Variants in PRRC2B observed in about 807,000 individuals in gnomAD.
PRRC2B encodes the protein proline rich coiled-coil 2B.
In PRRC2B, 68 loss-of-function variants were observed where a neutral mutation model predicts 242.3. The ratio of observed to expected loss-of-function variants is 0.28; its 90% CI spans 0.23 to 0.34. PRRC2B has a LOEUF of 0.34. Among genes scored for constraint, PRRC2B ranks in the 10% least tolerant of loss-of-function variants. PRRC2B has a pLI of 1.00. For synonymous variants in PRRC2B, 1,228 were observed against 1,173.6 expected, an observed-to-expected ratio of 1.05 and a Z score of -0.95; for missense variants, 2,835 against 2,954.8, an observed-to-expected ratio of 0.96 and a Z score of 0.94.
rs184020553 is a variant in PRRC2B at position 131,465,499 on chromosome 9, C to T, written c.1720+421C>T. On this transcript the variant is annotated intron_variant, in intron 12 of 31. Coordinates refer to ENST00000683519, the MANE Select transcript of PRRC2B (RefSeq NM_013318.4). ...GGATGAGTATGTACCTGCCAGCACGCGGAGGGGTGTACAGCACGCTCCAGT... is the reference window on the plus strand; with the variant it reads ...GGATGAGTATGTACCTGCCAGCACGTGGAGGGGTGTACAGCACGCTCCAGT... Among the ~76,000 whole-genome samples the T allele has an allele frequency of 4.8e-4, 73 of 152,282 alleles. 1 individual carries two copies. The East Asian group carries it at 0.011, about 23-fold the overall frequency.
chr9:131,489,618 T>G (rs892006103), intron 28 of PRRC2B, among the ~76,000 whole-genome samples: 2 of 152,100 alleles, frequency 1.3e-5, no homozygotes, highest in African/African-American at 2.4e-5. Context: ...TAGCAGCTTT[T>G]CAGACTTGCA....
chr9:131,492,965 A>G (rs987060172), intron 30 of PRRC2B, among the ~76,000 whole-genome samples: 6 of 152,204 alleles, frequency 3.9e-5, no homozygotes, highest in African/African-American at 1.4e-4. Context: ...CTCTGTGTTT[A>G]CAAATGAGTG....
At position 131,464,855 on chromosome 9, in the gene PRRC2B, G is replaced by A. The variant is rs1259745281; in HGVS notation, c.1497G>A (p.Met499Ile). The A allele has an allele frequency of 6.2e-7, 1 of 1,613,834 alleles. No homozygotes were observed. Residue 499 changes from methionine to isoleucine, a missense_variant, in exon 12 of 32, where the codon ATG becomes ATA. Physicochemically the swap from Met to Ile is conservative, Grantham distance 10. Coordinates refer to ENST00000683519, the MANE Select transcript of PRRC2B (RefSeq NM_013318.4). Reference protein sequence around the residue: ...PPRQKFIQSEMSEAVERARKR... With the variant: ...PPRQKFIQSEISEAVERARKR... ...GGCAGAAGTTCATTCAGTCAGAGAT[G>A]TCCGAGGCGGTGGAGCGAGCCCGAA...
At chr9:131,488,386 CCTG>C (rs1944087676) in intron 28 of PRRC2B, among the ~76,000 whole-genome samples, 1 of 152,012 alleles carries the variant, frequency 6.6e-6, no homozygotes, top group Non-Finnish European at 1.5e-5. Context: ...GCCTCAGCCT[CCTG>C]AGTAGCTGGG....
chr9:131,481,743 C>T lies in PRRC2B; in HGVS notation c.4918C>T (p.Pro1640Ser). 1 of 1,564,502 alleles carries T rather than the reference C, an allele frequency of 6.4e-7. No individual in the cohort carries two copies. Among genetic ancestry groups the T allele is most frequent in the Non-Finnish European group, 8.7e-7 (1 of 1,155,098 alleles). Residue 1640 changes from proline (P) to serine (S), a missense_variant, in exon 20 of 32, where the codon CCA becomes TCA. Physicochemically the swap from Pro to Ser is moderately conservative, Grantham distance 74. This residue lies in a region of PRRC2B where 1,536 missense variants were observed against 1,483.1 expected (regional missense o/e 1.04). Transcript: ENST00000683519. ...SSSQALPVQA[P>S]ANDSWRKAVT... ...CCTGGCAGCTCTCCCTGTGCAGGCC[C>T]CAGCCAACGACTCCTGGAGGAAAGC... is the stretch of plus-strand genomic sequence containing the variant.
intron 1 of PRRC2B, among the ~76,000 whole-genome samples, chr9:131,399,674 G>A (rs1837174925): frequency 1.3e-5 from 2 of 152,142 alleles, no homozygotes; most frequent in African/African-American, 4.8e-5. Flanking sequence ...TAAAGTTGCT[G>A]GTGTGTTTCT....
rs753291743 is a variant in PRRC2B at position 131,486,119 on chromosome 9, T to C, written c.5793T>C (p.His1931=). Residue 1931 remains histidine, a synonymous_variant, in exon 26 of 32, where the codon CAT becomes CAC. Coordinates refer to ENST00000683519, the MANE Select transcript of PRRC2B (RefSeq NM_013318.4). ...TCCCGCCCCTGTACCTGGATGGCCA[T>C]GTGTTTGCAAGTCAGCCCCGGCTGG... is the stretch of plus-strand genomic sequence containing the variant. The part of the protein sequence containing the change: ...SHLPPLYLDG[H]VFASQPRLVP... 8.1e-6 allele frequency: 13 copies of C among 1,613,142 alleles called. No individual in the cohort carries two copies. The highest frequency in any genetic ancestry group is 1.7e-5 in the Admixed American group (1 of 59,880).
intron 2 of PRRC2B, among the ~76,000 whole-genome samples, chr9:131,432,274 C>T (rs1468529354): frequency 1.3e-5 from 2 of 152,190 alleles, no homozygotes; most frequent in Non-Finnish European, 2.9e-5. Context: ...AGAGCTGTCT[C>T]AACTTGCAGA....
At position 131,487,398 on chromosome 9, in the gene PRRC2B, G is replaced by C; in HGVS notation, c.5984+104G>C. 2.9e-5 allele frequency: 22 copies of C among 763,260 alleles called. No individual in the cohort carries two copies. Among genetic ancestry groups the C allele is most frequent in the Non-Finnish European group, 3.6e-5 (18 of 504,390 alleles). The allele number at this position is 763,260 out of a possible 1,614,324, so 47.3% of individuals were successfully genotyped here. The stretch of plus-strand genomic sequence containing the variant: ...CTGTTTGGTGCTTGTCTGCTTTGGG[G>C]CCAGTGGGGCGGGGAGGGGTGGGAG... On this transcript the variant is annotated intron_variant, in intron 27 of 31. Transcript: ENST00000683519. The surrounding 1 kb of genome is among the most constrained non-coding windows in gnomAD (Gnocchi z 5.3).
Position 131,483,234 on chromosome 9 carries a change from C to T in PRRC2B, c.5374-125C>T, listed in dbSNP as rs1486410331. Reference sequence around the variant, plus strand: ...ATCTGGCCATCTCGCTCATATGTGGCTCCAGTGAATGCTGCTCAGTGGAGT... The same window carrying T: ...ATCTGGCCATCTCGCTCATATGTGGTTCCAGTGAATGCTGCTCAGTGGAGT... On this transcript the variant is annotated intron_variant, in intron 22 of 31. Transcript: ENST00000683519. 46 of 908,074 alleles carry T rather than the reference C, an allele frequency of 5.1e-5. No individual in the cohort carries two copies. The South Asian group carries it at 5.7e-4, about 11-fold the overall frequency. The allele number at this position is 908,074 out of a possible 1,614,324, so 56.3% of individuals were successfully genotyped here.
chr9:131,376,138 G>C (rs777231529), intron 1 of PRRC2B, among the ~76,000 whole-genome samples: 7 of 151,192 alleles, frequency 4.6e-5, no homozygotes, highest in African/African-American at 1.7e-4. Flanking sequence ...CATCACCTGA[G>C]GTCAGGCGTT....
At chr9:131,377,756 ATTTG>A (rs1315403115) in intron 1 of PRRC2B, among the ~76,000 whole-genome samples, 3 of 151,858 alleles carry the variant, frequency 2.0e-5, no homozygotes, top group African/African-American at 7.3e-5. Flanking sequence ...TGTTTTGTTT[ATTTG>A]TTTGTTTTGT....
rs765308022 is a variant in PRRC2B, at chr9:131,482,809, C to T, written c.5275C>T (p.Arg1759Trp). The part of the protein sequence containing the change: ...KNRKGSEGAE[R>W]LQGAVVPPVN... ...CAGAAAGGGCTCGGAGGGGGCCGAGCGGCTGCAAGGGGCTGTCGTCCCGCC... is the reference window on the plus strand; with the variant it reads ...CAGAAAGGGCTCGGAGGGGGCCGAGTGGCTGCAAGGGGCTGTCGTCCCGCC... The change falls in exon 22 of 32, where the codon CGG becomes TGG. Residue 1759 changes from arginine to tryptophan, a missense_variant. Physicochemically the swap from Arg to Trp is moderately radical, Grantham distance 101 (BLOSUM62 -3). Transcript: ENST00000683519. The surrounding 1 kb of genome is among the most constrained non-coding windows in gnomAD (Gnocchi z 5.2). The T allele has an allele frequency of 6.8e-6, 11 of 1,609,284 alleles. No individual in the cohort carries two copies. Among genetic ancestry groups the T allele is most frequent in the East Asian group, 2.2e-5 (1 of 44,690 alleles).
At chr9:131,480,899 G>A (rs1365831206) in intron 19 of PRRC2B, among the ~76,000 whole-genome samples, 2 of 152,026 alleles carry the variant, frequency 1.3e-5, no homozygotes, top group African/African-American at 4.8e-5. Flanking sequence ...GGCCAGGAGT[G>A]GTGGCTCACA....
chr9:131,428,990 C>G (rs548837299), intron 1 of PRRC2B, among the ~76,000 whole-genome samples: 1 of 152,320 alleles, frequency 6.6e-6, no homozygotes, highest in African/African-American at 2.4e-5. Context: ...CAGTCTCGCT[C>G]TGTCGCCTAG....
At chr9:131,391,011 G>GTT (rs1836894504), upstream of PRRC2B, among the ~76,000 whole-genome samples, 1 of 150,212 alleles carries the variant, frequency 6.7e-6, no homozygotes, top group Admixed American at 6.6e-5. Context: ...GGTCTCGAAC[G>GTT]CCTGACCAAG....
Position 131,394,253 on chromosome 9 carries a change from A to G in PRRC2B, c.-62A>G, listed in dbSNP as rs1271677588. On this transcript the variant is annotated 5_prime_UTR_variant, in exon 1 of 32. Transcript: ENST00000683519. ...TCGCCCGGCCCGGCCGCGCCCGCGG[A>G]ACCAGACCAGGTGGGTCGGGGCCGG... is the stretch of plus-strand genomic sequence containing the variant. The G allele has an allele frequency of 6.8e-6, 1 of 146,374 alleles. No individual in the cohort carries two copies. The highest frequency in any genetic ancestry group is 1.5e-5 in the Non-Finnish European group (1 of 65,630). The allele number at this position is 146,374 out of a possible 1,614,324, so 9.1% of individuals were successfully genotyped here.
chr9:131,413,004 A>G (rs1837544700), intron 1 of PRRC2B, among the ~76,000 whole-genome samples: 1 of 152,198 alleles, frequency 6.6e-6, no homozygotes, highest in Non-Finnish European at 1.5e-5. Context: ...AATAAATAGT[A>G]ACTTCTTTTA....
At chr9:131,382,477 CCT>C (rs1207756917) in intron 1 of PRRC2B, among the ~76,000 whole-genome samples, 4 of 152,028 alleles carry the variant, frequency 2.6e-5, no homozygotes, top group Non-Finnish European at 5.9e-5. Flanking sequence ...CCAGGGAACC[CCT>C]GTGTTGTTGA....
Sources: allele counts gnomAD v4.1 joint callset (sites outside exome capture counted in the v4.1 genomes callset), GRCh38; gene constraint gnomAD v4.1.1; regional missense constraint gnomAD v4.1.1; non-coding constraint Gnocchi (gnomAD v3.1); transcripts MANE v1.5; gene names NCBI Gene and HGNC (gene_info 2026-07-23, HGNC 2026-07-21).